STT3B: variants seen among roughly 807,000 people sequenced by gnomAD.
STT3B encodes the protein dolichyl-diphosphooligosaccharide--protein glycosyltransferase subunit STT3B.
STT3B carries 29 observed loss-of-function variants against 96.8 expected under a neutral mutation model. The observed-to-expected ratio is 0.30, with a 90% CI of 0.22 to 0.41. The LOEUF is 0.41. Among genes scored for constraint, STT3B ranks in the 10% least tolerant of loss-of-function variants. The probability of loss-of-function intolerance (pLI) is 1.00; values close to 1 mark genes in which losing one functional copy is unlikely to be tolerated. For synonymous variants in STT3B, 367 were observed against 360.0 expected (o/e 1.02, Z -0.22); for missense variants, 640 against 1,022.3 (o/e 0.63, Z 5.10).
At chr3:31,625,784 G>T (rs768096094) in intron 12 of STT3B, among the ~76,000 whole-genome samples, 170 bp from the exon 13 acceptor site, 2 of 152,114 alleles carry the variant, frequency 1.3e-5, no homozygotes, top group Non-Finnish European at 2.9e-5. Flanking sequence ...GTAGTTGAGA[G>T]GTTCATAAAT....
rs149592873 is a variant in STT3B at position 31,614,362 on chromosome 3, C to T, written c.878-743C>T. ...ACTTTCTCTCTAATCAATTGCGTAA[C>T]AGTGGTCTGTGAATATAAAGCAGGT... is the stretch of plus-strand genomic sequence containing the variant. On this transcript the variant is annotated intron_variant, in intron 5 of 15. Transcript: ENST00000295770. Among the ~76,000 whole-genome samples the T allele has an allele frequency of 7.0e-3, 1,066 of 152,054 alleles. 11 individuals carry two copies. The highest frequency in any genetic ancestry group is 0.024 in the African/African-American group (984 of 41,518).
intron 9 of STT3B, among the ~76,000 whole-genome samples, chr3:31,621,561 C>G (rs188174666): frequency 6.6e-6 from 1 of 152,356 alleles, no homozygotes; most frequent in Non-Finnish European, 1.5e-5. Flanking sequence ...GTGGTTAGCA[C>G]ATTATCCAGA....
chr3:31,544,244 A>G (rs1037855608), intron 1 of STT3B, among the ~76,000 whole-genome samples: 3 of 152,186 alleles, frequency 2.0e-5, no homozygotes, highest in African/African-American at 7.2e-5. Context: ...CACAGCTCTG[A>G]CTGATCTCAT....
chr3:31,616,854 G>A, intron 6 of STT3B, 75 bp from the exon 7 acceptor site: 1 of 1,305,180 alleles, frequency 7.7e-7, no homozygotes, highest in Admixed American at 1.9e-5. Context: ...ATTCTAAGAA[G>A]CTCTTTCAAA....
chr3:31,629,440 T>C (rs757747106), intron 14 of STT3B, 29 bp downstream of exon 14: 1 of 1,239,714 alleles, frequency 8.1e-7, no homozygotes, highest in Admixed American at 1.9e-5. Context: ...TCTCTAATTT[T>C]CATTCAAAAT....
intron 12 of STT3B, 54 bp downstream of exon 12, chr3:31,625,139 C>G: frequency 6.6e-7 from 1 of 1,516,980 alleles, no homozygotes. Context: ...CCTTAGCAAT[C>G]AGGCTTCACT....
intron 3 of STT3B, among the ~76,000 whole-genome samples, chr3:31,582,268 C>A (rs576537295): frequency 8.6e-4 from 126 of 147,112 alleles, no homozygotes; most frequent in African/African-American, 2.9e-3. Flanking sequence ...TTTCTGGAAG[C>A]TTTGGGTTTA....
chr3:31,601,935 G>C (rs1379584026), intron 5 of STT3B, among the ~76,000 whole-genome samples: 1 of 152,170 alleles, frequency 6.6e-6, no homozygotes, highest in Admixed American at 6.5e-5. Flanking sequence ...TAATAACGGG[G>C]CTGAGGCTTG....
rs1389417181 is a variant in STT3B at position 31,545,735 on chromosome 3, C to T, written c.314+12423C>T. 2.0e-5 allele frequency among the ~76,000 whole-genome samples: 3 copies of T among 151,820 alleles called. No individual in the cohort carries two copies. The East Asian group carries it at 5.8e-4, about 29-fold the overall frequency. ...CATATGTATATATCTGTAAACCAAG[C>T]TTGTCCACCCTGCAGCCCAGAGCGG... On this transcript the variant is annotated intron_variant, in intron 1 of 15. Transcript: ENST00000295770.
chr3:31,615,808 A>C (rs1369293821), intron 6 of STT3B, among the ~76,000 whole-genome samples: 1 of 151,914 alleles, frequency 6.6e-6, no homozygotes, highest in Non-Finnish European at 1.5e-5. Context: ...TTTTAAAAAC[A>C]ACCCTTAAAA....
At chr3:31,597,015 T>TA in intron 4 of STT3B, 152 bp downstream of exon 4, 1 of 568,156 alleles carries the variant, frequency 1.8e-6, no homozygotes, top group Non-Finnish European at 3.0e-6. Flanking sequence ...ACAGGTCCTG[T>TA]ATACACCTGC....
chr3:31,635,262 A>G (rs1216357642), intron 15 of STT3B, among the ~76,000 whole-genome samples: 1 of 152,198 alleles, frequency 6.6e-6, no homozygotes, highest in African/African-American at 2.4e-5. Flanking sequence ...ATATGTGCCT[A>G]TAATTTATCC....
At chr3:31,588,557 A>G (rs959075341) in intron 3 of STT3B, among the ~76,000 whole-genome samples, 1 of 152,070 alleles carries the variant, frequency 6.6e-6, no homozygotes, top group Non-Finnish European at 1.5e-5. Flanking sequence ...GTTGGAATAC[A>G]GTTTTCATGC....
At chr3:31,616,768 A>G (rs547546395) in intron 6 of STT3B, among the ~76,000 whole-genome samples, 161 bp from the exon 7 acceptor site, 1 of 152,040 alleles carries the variant, frequency 6.6e-6, no homozygotes, top group Admixed American at 6.5e-5. Flanking sequence ...GGATGTATTA[A>G]TTAGGCAACT....
chr3:31,622,410 T>C (rs989338969), intron 10 of STT3B, 102 bp downstream of exon 10: 3 of 1,051,228 alleles, frequency 2.9e-6, no homozygotes, highest in African/African-American at 3.2e-5. Context: ...TAAATGATGA[T>C]TTGGACAAAC....
intron 3 of STT3B, among the ~76,000 whole-genome samples, chr3:31,593,323 A>G (rs910284391): frequency 1.3e-5 from 2 of 151,888 alleles, no homozygotes; most frequent in African/African-American, 2.4e-5. Context: ...TGCAAAGTCA[A>G]TCATATCGTT....
At chr3:31,559,290 A>T (rs1249055512) in intron 1 of STT3B, among the ~76,000 whole-genome samples, 1 of 142,818 alleles carries the variant, frequency 7.0e-6, no homozygotes, top group Non-Finnish European at 1.5e-5. Context: ...GCATTATTAG[A>T]TTGCTTATTT....
Position 31,632,121 on chromosome 3 carries a change from A to G in STT3B, c.2188-814A>G, listed in dbSNP as rs139995567. Among the ~76,000 whole-genome samples the G allele has an allele frequency of 5.9e-3, 896 of 152,192 alleles. 4 individuals carry two copies. The highest frequency in any genetic ancestry group is 6.1e-3 in the Non-Finnish European group (415 of 67,994). ...TCCTCCTGCCTCAGCCTCCCAAAGTACTGGGATTATAGGTGTGAGCCACCA... is the reference window on the plus strand; with the variant it reads ...TCCTCCTGCCTCAGCCTCCCAAAGTGCTGGGATTATAGGTGTGAGCCACCA... On this transcript the variant is annotated intron_variant, in intron 14 of 15. Coordinates refer to ENST00000295770, the MANE Select transcript of STT3B (RefSeq NM_178862.3).
intron 1 of STT3B, among the ~76,000 whole-genome samples, chr3:31,548,825 A>C (rs1697479148): frequency 6.6e-6 from 1 of 152,224 alleles, no homozygotes. Context: ...ATTTTGCCAA[A>C]GTATGTTCTG....
Sources: gnomAD v4.1 joint callset for allele counts (sites outside exome capture counted in the v4.1 genomes callset) on GRCh38, gnomAD v4.1.1 for gene constraint, MANE v1.5 for transcripts, NCBI Gene and HGNC (gene_info 2026-07-23, HGNC 2026-07-21) for gene names.